The following SAE1 variants were observed in gnomAD, a reference collection of about 807,000 sequenced individuals.
SAE1 encodes SUMO-activating enzyme subunit 1.
SAE1 carries 11 observed loss-of-function variants against 40.6 expected under a neutral mutation model. The ratio of observed to expected loss-of-function variants is 0.27; its 90% CI spans 0.17 to 0.45. SAE1 has a LOEUF of 0.45. Ranked by LOEUF, SAE1 falls within the 20% of genes least tolerant of loss-of-function variation. The pLI is 1.00. For missense variants in SAE1, 373 were observed against 427.3 expected (o/e 0.87, Z 1.12); for synonymous variants, 155 against 154.3 (o/e 1.00, Z -0.03).
intron 6 of SAE1, among the ~76,000 whole-genome samples, chr19:47,178,410 A>G (rs1305826988): frequency 6.6e-6 from 1 of 152,210 alleles, no homozygotes; most frequent in African/African-American, 2.4e-5. Flanking sequence ...CAGCCAAGTT[A>G]GGGGAAAGTA....
At chr19:47,134,467 G>T (rs756195092) in intron 1 of SAE1, among the ~76,000 whole-genome samples, 2 of 152,102 alleles carry the variant, frequency 1.3e-5, no homozygotes, top group African/African-American at 4.8e-5. Context: ...ACCTGGAATA[G>T]ATTGGGAATT....
At chr19:47,132,424 G>T (rs887285055) in intron 1 of SAE1, among the ~76,000 whole-genome samples, 1,621 of 130,952 alleles carry the variant, frequency 0.012, 15 homozygotes, top group African/African-American at 0.017. Context: ...ACTAATTTTT[G>T]TTTTTTTTTT....
intron 6 of SAE1, among the ~76,000 whole-genome samples, chr19:47,173,632 C>G (rs1600185545): frequency 1.3e-5 from 2 of 152,038 alleles, no homozygotes; most frequent in East Asian, 3.9e-4. Context: ...TAGTAACACC[C>G]CTATCCTCTA....
At chr19:47,184,559 C>T (rs749543582) in intron 6 of SAE1, among the ~76,000 whole-genome samples, 5 of 151,844 alleles carry the variant, frequency 3.3e-5, no homozygotes, top group African/African-American at 4.8e-5. Flanking sequence ...GACAGGCACC[C>T]GCCACCATGC....
intron 6 of SAE1, among the ~76,000 whole-genome samples, chr19:47,174,721 C>T (rs960400669): frequency 2.0e-5 from 3 of 151,678 alleles, no homozygotes; most frequent in Non-Finnish European, 2.9e-5. Flanking sequence ...TACAGGTGCC[C>T]GCCACCATGC....
intron 8 of SAE1, among the ~76,000 whole-genome samples, chr19:47,207,300 T>C (rs977300018): frequency 6.6e-6 from 1 of 152,206 alleles, no homozygotes; most frequent in Non-Finnish European, 1.5e-5. Context: ...ACACTATTTG[T>C]ATATGGTAGA....
At chr19:47,166,638 C>T (rs2058394206) in intron 5 of SAE1, among the ~76,000 whole-genome samples, 1 of 152,116 alleles carries the variant, frequency 6.6e-6, no homozygotes. Flanking sequence ...ACAACAAAGA[C>T]TCCGAATTGA....
intron 5 of SAE1, among the ~76,000 whole-genome samples, chr19:47,163,148 A>G (rs2058369302): frequency 6.6e-6 from 1 of 152,094 alleles, no homozygotes; most frequent in Non-Finnish European, 1.5e-5. Context: ...GGCACTGTTT[A>G]ATACAGATAA....
At chr19:47,176,996 C>A (rs369887508) in intron 6 of SAE1, among the ~76,000 whole-genome samples, 3 of 152,262 alleles carry the variant, frequency 2.0e-5, no homozygotes, top group East Asian at 3.9e-4. Context: ...CATTCACTTA[C>A]CAGCATGAAC....
intron 6 of SAE1, among the ~76,000 whole-genome samples, chr19:47,173,076 A>G (rs771667957): frequency 5.9e-5 from 9 of 152,088 alleles, no homozygotes; most frequent in African/African-American, 2.2e-4. Flanking sequence ...TCACCCAGGT[A>G]GGAGTGCAGT....
intron 7 of SAE1, among the ~76,000 whole-genome samples, chr19:47,200,341 T>A (rs566558106): frequency 6.8e-6 from 1 of 147,664 alleles, no homozygotes; most frequent in Non-Finnish European, 1.5e-5. Flanking sequence ...CAGGCAACAC[T>A]CTCATCTCGG....
At chr19:47,161,239 G>A (rs1354709448) in intron 5 of SAE1, among the ~76,000 whole-genome samples, 2 of 143,086 alleles carry the variant, frequency 1.4e-5, no homozygotes, top group African/African-American at 5.2e-5. Flanking sequence ...TCAAACTCCT[G>A]GCCTCAAGTG....
intron 5 of SAE1, among the ~76,000 whole-genome samples, chr19:47,169,515 G>T (rs1484863530): frequency 6.6e-6 from 1 of 152,160 alleles, no homozygotes; most frequent in Non-Finnish European, 1.5e-5. Flanking sequence ...AAAGTGTTGG[G>T]ATTACAGGTG....
At chr19:47,182,051 A>G in intron 6 of SAE1, among the ~76,000 whole-genome samples, 1 of 151,922 alleles carries the variant, frequency 6.6e-6, no homozygotes, top group East Asian at 1.9e-4. Flanking sequence ...CTCCCAAAGC[A>G]TTGGGATAAC....
intron 6 of SAE1, among the ~76,000 whole-genome samples, chr19:47,183,756 G>A (rs1009676174): frequency 6.6e-6 from 1 of 152,234 alleles, no homozygotes; most frequent in Non-Finnish European, 1.5e-5. Context: ...ACAGTCACGG[G>A]AATGTCCTGT....
intron 6 of SAE1, among the ~76,000 whole-genome samples, chr19:47,193,841 G>T (rs71363727): frequency 7.1e-6 from 1 of 141,172 alleles, no homozygotes; most frequent in African/African-American, 2.7e-5. Context: ...AAAAAAAAAA[G>T]AAAGAAAAGA....
chr19:47,140,731 G>A (rs1397233432), intron 1 of SAE1, among the ~76,000 whole-genome samples: 1 of 152,050 alleles, frequency 6.6e-6, no homozygotes, highest in Non-Finnish European at 1.5e-5. Flanking sequence ...GGAGGTTGAG[G>A]CTGCAGCGAG....
chr19:47,137,703 TTGTGTGTGTGTGTGTGTG>T (rs35991953), intron 1 of SAE1, among the ~76,000 whole-genome samples: 2 of 135,036 alleles, frequency 1.5e-5, no homozygotes, highest in African/African-American at 5.5e-5. Context: ...ACTCAGCTGA[TTGTGTGTGTGTGTGTGTG>T]TGTGTGTTGT....
In SAE1 at chr19:47,130,879, G is replaced by C. The variant is rs2058136405; in HGVS notation, c.-52G>C. On this transcript the variant is annotated 5_prime_UTR_variant, in exon 1 of 9. Coordinates refer to ENST00000270225, the MANE Select transcript of SAE1 (RefSeq NM_005500.3). Reference sequence around the variant, plus strand: ...CGGCGGTAGGTGGCGCGCGGGTCCGGCGGGCGGTTGGCTTGAGCGGGACCG... The same window carrying C: ...CGGCGGTAGGTGGCGCGCGGGTCCGCCGGGCGGTTGGCTTGAGCGGGACCG... 1.3e-6 allele frequency: 2 copies of C among 1,545,642 alleles called. No homozygotes were observed. Among genetic ancestry groups the C allele is most frequent in the Non-Finnish European group, 1.7e-6 (2 of 1,145,228 alleles).
Sources: gnomAD v4.1 joint callset for allele counts (sites outside exome capture counted in the v4.1 genomes callset) on GRCh38, gnomAD v4.1.1 for gene constraint, MANE v1.5 for transcripts, NCBI Gene and HGNC (gene_info 2026-07-23, HGNC 2026-07-21) for gene names.